The following PPM1H variants were observed in gnomAD, a reference collection of about 807,000 sequenced individuals.
PPM1H encodes protein phosphatase 1H.
In PPM1H, 27 loss-of-function variants were observed where a neutral mutation model predicts 54.9. That is an observed-to-expected ratio of 0.49 (90% CI 0.36 to 0.68). The LOEUF (loss-of-function observed/expected upper bound fraction) is 0.68. Among genes scored for constraint, PPM1H ranks in the 30% least tolerant of loss-of-function variants. The pLI, the probability that PPM1H is intolerant of heterozygous loss-of-function variation, is 0.00. For synonymous variants in PPM1H, 305 were observed against 270.8 expected (o/e 1.13, Z -1.24); for missense variants, 596 against 667.8 (o/e 0.89, Z 1.19).
chr12:62,819,948 G>A lies in PPM1H; in HGVS notation c.411+12166C>T, dbSNP rs185811803. Among the ~76,000 whole-genome samples, 564 of 152,304 alleles carry A rather than the reference G, an allele frequency of 3.7e-3. 5 individuals carry two copies. Among genetic ancestry groups the A allele is most frequent in the South Asian group, 0.025 (120 of 4,834 alleles). ...TTGGACAGTGAGTGCAGCCCAAAGA[G>A]GGCGAGCCGAAGCAGGGTGGGGCAT... On this transcript the variant is annotated intron_variant, in intron 2 of 9. Transcript: ENST00000228705.
intron 1 of PPM1H, among the ~76,000 whole-genome samples, chr12:62,847,541 A>G (rs1869020920): frequency 1.3e-5 from 2 of 152,198 alleles, no homozygotes; most frequent in Non-Finnish European, 2.9e-5. Flanking sequence ...ATTATAATTC[A>G]GGGTTAAAAT....
chr12:62,650,348 G>T (rs569404066), intron 9 of PPM1H, among the ~76,000 whole-genome samples: 1 of 151,012 alleles, frequency 6.6e-6, no homozygotes, highest in East Asian at 1.9e-4. Flanking sequence ...TTTTCTATCT[G>T]TATTGAGAGA....
rs1385399328 is a variant in PPM1H at position 62,838,937 on chromosome 12, A to AC, written c.246-6659_246-6658insG. Among the ~76,000 whole-genome samples, 6 of 100,916 alleles carry AC rather than the reference A, an allele frequency of 5.9e-5. 2 individuals are homozygous for AC. The highest frequency in any genetic ancestry group is 3.1e-4 in the African/African-American group (6 of 19,490). 66.2% of individuals were successfully genotyped at this position (100,916 alleles called of 152,430 possible). A position where few individuals can be genotyped will look rare whatever the true frequency, so the allele number is the denominator to read the frequency against. ...CTCCGTCTCAAAAAAAAAAAAAAAAAAAAAAAAAAAAAAAGAATAATAGCT... is the reference window on the plus strand; with the variant it reads ...CTCCGTCTCAAAAAAAAAAAAAAAAACAAAAAAAAAAAAAAGAATAATAGCT... On this transcript the variant is annotated intron_variant, in intron 1 of 9. Transcript: ENST00000228705.
At chr12:62,811,661 G>A (rs1483299892) in intron 2 of PPM1H, among the ~76,000 whole-genome samples, 1 of 152,114 alleles carries the variant, frequency 6.6e-6, no homozygotes, top group African/African-American at 2.4e-5. Flanking sequence ...TGCTGTTCTT[G>A]TGATAGTGAG....
chr12:62,847,848 A>G (rs1466809455), intron 1 of PPM1H, among the ~76,000 whole-genome samples: 1 of 152,228 alleles, frequency 6.6e-6, no homozygotes, highest in Non-Finnish European at 1.5e-5. Flanking sequence ...CTGAAAAAAA[A>G]ACAAATCATC....
chr12:62,803,814 G>T (rs1028069479), intron 2 of PPM1H, among the ~76,000 whole-genome samples: 1 of 152,090 alleles, frequency 6.6e-6, no homozygotes, highest in South Asian at 2.1e-4. Flanking sequence ...GTGATAAGGG[G>T]TTAATTTTCA....
chr12:62,836,924 G>A (rs11174686), intron 1 of PPM1H, among the ~76,000 whole-genome samples: 5,700 of 152,072 alleles, frequency 0.037, 339 homozygotes, highest in African/African-American at 0.13. Context: ...TGTAAAAGTA[G>A]GTAAACACAG....
intron 1 of PPM1H, among the ~76,000 whole-genome samples, chr12:62,927,749 T>C (rs933101393): frequency 6.6e-5 from 10 of 151,940 alleles, no homozygotes; most frequent in African/African-American, 2.2e-4. Context: ...GAAGGAGACA[T>C]GTTATAAGAC....
intron 6 of PPM1H, among the ~76,000 whole-genome samples, chr12:62,714,921 G>A (rs1026315832): frequency 5.9e-5 from 9 of 152,176 alleles, no homozygotes; most frequent in African/African-American, 2.2e-4. Context: ...AGCTGCTGGA[G>A]AATCTGGCCT....
intron 1 of PPM1H, among the ~76,000 whole-genome samples, chr12:62,859,455 ATAAT>A (rs1869518226): frequency 6.6e-6 from 1 of 152,198 alleles, no homozygotes; most frequent in African/African-American, 2.4e-5. Context: ...ATTATCTTTA[ATAAT>A]AGCACTGGCC....
intron 2 of PPM1H, among the ~76,000 whole-genome samples, chr12:62,810,981 G>C (rs1021129255): frequency 6.6e-6 from 1 of 152,210 alleles, no homozygotes; most frequent in African/African-American, 2.4e-5. Context: ...TGGTTCTCAA[G>C]CTCTTGAACT....
At chr12:62,818,439 A>G (rs1245545933) in intron 2 of PPM1H, among the ~76,000 whole-genome samples, 1 of 152,242 alleles carries the variant, frequency 6.6e-6, no homozygotes, top group Non-Finnish European at 1.5e-5. Context: ...GAGCTGGTTA[A>G]TTAAAAAGCC....
At position 62,883,667 on chromosome 12, in the gene PPM1H, G is replaced by A. The variant is rs144582045; in HGVS notation, c.245+50825C>T. ...AAGCAAGAAAGCCTAGATTCTGATC[G>A]TGGAAAACCTGTGCACCATTAACAG... is the stretch of plus-strand genomic sequence containing the variant. On this transcript the variant is annotated intron_variant, in intron 1 of 9. Coordinates refer to ENST00000228705, the MANE Select transcript of PPM1H (RefSeq NM_020700.2). 4.3e-3 allele frequency among the ~76,000 whole-genome samples: 650 copies of A among 152,248 alleles called. 4 individuals carry two copies. Among genetic ancestry groups the A allele is most frequent in the African/African-American group, 0.015 (608 of 41,550 alleles).
At chr12:62,806,515 T>G (rs2076806395) in intron 2 of PPM1H, among the ~76,000 whole-genome samples, 1 of 152,182 alleles carries the variant, frequency 6.6e-6, no homozygotes, top group Admixed American at 6.5e-5. Flanking sequence ...CAGGTCGAAT[T>G]GTGATCCCCA....
At chr12:62,675,815 T>A (rs2075982187) in intron 8 of PPM1H, among the ~76,000 whole-genome samples, 1 of 152,194 alleles carries the variant, frequency 6.6e-6, no homozygotes, top group Admixed American at 6.5e-5. Context: ...TTCAGAGATC[T>A]CAAGAGCAAG....
At chr12:62,821,054 A>C (rs1273571916) in intron 2 of PPM1H, among the ~76,000 whole-genome samples, 2 of 152,210 alleles carry the variant, frequency 1.3e-5, no homozygotes, top group Middle Eastern at 3.2e-3. Flanking sequence ...TAACTAGAAT[A>C]AACAGTGTAG....
At position 62,722,106 on chromosome 12, in the gene PPM1H, T is replaced by C. The variant is rs181222262; in HGVS notation, c.955-1817A>G. Reference sequence around the variant, plus strand: ...CGCGACCGCACAAGTCACAGGCCCATGAAGCTCGTCATGCCTACTGGGTAC... The same window carrying C: ...CGCGACCGCACAAGTCACAGGCCCACGAAGCTCGTCATGCCTACTGGGTAC... On this transcript the variant is annotated intron_variant, in intron 5 of 9. Transcript: ENST00000228705. 3.4e-4 allele frequency among the ~76,000 whole-genome samples: 51 copies of C among 152,226 alleles called. 1 individual carries two copies. The highest frequency in any genetic ancestry group is 2.6e-3 in the Admixed American group (39 of 15,284).
chr12:62,675,207 A>T (rs1355170300), intron 8 of PPM1H, among the ~76,000 whole-genome samples: 1 of 152,258 alleles, frequency 6.6e-6, no homozygotes, highest in African/African-American at 2.4e-5. Flanking sequence ...TTTGGAGGGT[A>T]GATACGATAT....
intron 5 of PPM1H, among the ~76,000 whole-genome samples, chr12:62,722,230 G>T (rs1328221198): frequency 6.6e-6 from 1 of 152,158 alleles, no homozygotes; most frequent in Non-Finnish European, 1.5e-5. Flanking sequence ...AGCCCTTTAT[G>T]ATCTTTCAGA....
Sources: gnomAD v4.1 joint callset for allele counts (sites outside exome capture counted in the v4.1 genomes callset) on GRCh38, gnomAD v4.1.1 for gene constraint, MANE v1.5 for transcripts, NCBI Gene and HGNC (gene_info 2026-07-23, HGNC 2026-07-21) for gene names.